The following ARHGAP26 variants were observed in gnomAD, a reference collection of about 807,000 sequenced individuals.
ARHGAP26 encodes rho GTPase-activating protein 26.
ARHGAP26 carries 38 observed loss-of-function variants against 104.8 expected under a neutral mutation model. That is an observed-to-expected ratio of 0.36 (90% CI 0.28 to 0.48). ARHGAP26 has a LOEUF of 0.48. Ranked by LOEUF, ARHGAP26 falls within the 20% of genes least tolerant of loss-of-function variation. The probability of loss-of-function intolerance (pLI) is 0.99; values close to 1 mark genes in which losing one functional copy is unlikely to be tolerated. For synonymous variants in ARHGAP26, 341 were observed against 340.0 expected (o/e 1.00, Z -0.03); for missense variants, 704 against 947.9 (o/e 0.74, Z 3.38).
At chr5:142,976,934 A>G (rs908027402) in intron 11 of ARHGAP26, among the ~76,000 whole-genome samples, 48 of 152,294 alleles carry the variant, frequency 3.2e-4, no homozygotes, top group African/African-American at 1.2e-3. Context: ...TTTGCACGCA[A>G]GAGTACACCT....
At chr5:142,941,464 C>A (rs768188033) in intron 11 of ARHGAP26, among the ~76,000 whole-genome samples, 3 of 152,310 alleles carry the variant, frequency 2.0e-5, no homozygotes, top group South Asian at 4.1e-4. Context: ...CTCCCATGCT[C>A]ACCCACCCCT....
At chr5:143,110,755 C>T (rs1289804062) in intron 17 of ARHGAP26, among the ~76,000 whole-genome samples, 6 of 152,106 alleles carry the variant, frequency 3.9e-5, no homozygotes, top group Non-Finnish European at 8.8e-5. Context: ...AAGTAATTTT[C>T]CAGGAAGAAA....
intron 1 of ARHGAP26, among the ~76,000 whole-genome samples, chr5:142,774,031 A>G (rs1034097948): frequency 2.6e-5 from 4 of 152,240 alleles, no homozygotes; most frequent in Admixed American, 6.5e-5. Flanking sequence ...TTCGATGCCA[A>G]CCTGCTTTGT....
At chr5:143,198,910 C>G (rs1807274565) in intron 20 of ARHGAP26, among the ~76,000 whole-genome samples, 1 of 152,088 alleles carries the variant, frequency 6.6e-6, no homozygotes, top group South Asian at 2.1e-4. Flanking sequence ...ATCCCATCTC[C>G]CAGGTGGTGG....
chr5:142,930,402 T>A (rs148718156), intron 10 of ARHGAP26, among the ~76,000 whole-genome samples: 213 of 152,250 alleles, frequency 1.4e-3, no homozygotes, highest in African/African-American at 4.7e-3. Context: ...TGAGAATTTC[T>A]GAGAAGAGGA....
In ARHGAP26 at chr5:142,833,178, C is replaced by T. The variant is rs187810173; in HGVS notation, c.155-40222C>T. ...AAGCAATTTTCCTGCCTCAGCCTCC[C>T]GAGTAGCTGGGACTACAGGCACCCA... On this transcript the variant is annotated intron_variant, in intron 1 of 22. Transcript: ENST00000645722. 1.1e-3 allele frequency among the ~76,000 whole-genome samples: 170 copies of T among 151,632 alleles called. 3 individuals are homozygous for T. The East Asian group carries it at 0.031, about 27-fold the overall frequency.
intron 20 of ARHGAP26, among the ~76,000 whole-genome samples, chr5:143,180,191 T>C (rs1804103756): frequency 6.6e-6 from 1 of 152,156 alleles, no homozygotes; most frequent in African/African-American, 2.4e-5. Flanking sequence ...AGTGGTGCGA[T>C]CTTGGCTCAC....
chr5:143,074,858 G>C (rs957944446), intron 17 of ARHGAP26, among the ~76,000 whole-genome samples: 1 of 152,214 alleles, frequency 6.6e-6, no homozygotes, highest in African/African-American at 2.4e-5. Flanking sequence ...CTAGACACAG[G>C]TATCCAAAGA....
chr5:143,055,021 A>G (rs1351850637), intron 15 of ARHGAP26, among the ~76,000 whole-genome samples: 1 of 152,080 alleles, frequency 6.6e-6, no homozygotes, highest in African/African-American at 2.4e-5. Flanking sequence ...TGCAGAGACT[A>G]TTTTCCTTGT....
rs1322057092 is a variant in ARHGAP26 at position 143,197,424 on chromosome 5, A to G, written c.1989-9774A>G. Among the ~76,000 whole-genome samples the G allele has an allele frequency of 2.0e-5, 3 of 152,296 alleles. No homozygotes were observed. In the East Asian group the frequency reaches 5.8e-4, roughly 29 times the overall value. On this transcript the variant is annotated intron_variant, in intron 20 of 22. Transcript: ENST00000645722. ...GCATTTTGATGTTAGCTATTTAGTC[A>G]TTCTGGTGGGTGTGCAGTAACATCT...
intron 11 of ARHGAP26, among the ~76,000 whole-genome samples, chr5:143,004,299 C>G (rs1202667495): frequency 6.6e-6 from 1 of 152,118 alleles, no homozygotes; most frequent in African/African-American, 2.4e-5. Context: ...CCTTCTCAGG[C>G]CATATTTAGT....
In ARHGAP26 at chr5:142,855,474, C is replaced by T. The variant is rs6889083; in HGVS notation, c.155-17926C>T. On this transcript the variant is annotated intron_variant, in intron 1 of 22. Transcript: ENST00000645722. Reference sequence around the variant, plus strand: ...CATTTCATCCCAGGTGCTTTGCTCCCTAGATATCCATCCACCCTTCCATCT... The same window carrying T: ...CATTTCATCCCAGGTGCTTTGCTCCTTAGATATCCATCCACCCTTCCATCT... Among the ~76,000 whole-genome samples the T allele has an allele frequency of 2.4e-3, 365 of 152,278 alleles. 3 individuals are homozygous for T. The highest frequency in any genetic ancestry group is 8.5e-3 in the African/African-American group (354 of 41,552).
chr5:142,820,398 C>A (rs146385452), intron 1 of ARHGAP26, among the ~76,000 whole-genome samples: 5 of 152,240 alleles, frequency 3.3e-5, no homozygotes, highest in African/African-American at 1.2e-4. Flanking sequence ...CCTGATCAGT[C>A]ATTTTGTGGT....
intron 5 of ARHGAP26, among the ~76,000 whole-genome samples, chr5:142,890,151 A>AATAC (rs1758397510): frequency 3.1e-5 from 1 of 32,432 alleles, no homozygotes; most frequent in Non-Finnish European, 5.5e-5. Flanking sequence ...AAAAAAAAAA[A>AATAC]ATATATATAT....
At chr5:143,100,329 C>T (rs1045823103) in intron 17 of ARHGAP26, among the ~76,000 whole-genome samples, 2 of 152,180 alleles carry the variant, frequency 1.3e-5, no homozygotes, top group Non-Finnish European at 2.9e-5. Context: ...TAAAGAACAA[C>T]CCTTGAATAA....
chr5:143,129,899 A>G (rs1797135078), intron 18 of ARHGAP26, among the ~76,000 whole-genome samples: 1 of 152,212 alleles, frequency 6.6e-6, no homozygotes, highest in Admixed American at 6.5e-5. Flanking sequence ...CAGACTCAGA[A>G]GGGTTAATTA....
intron 11 of ARHGAP26, chr5:142,946,433 A>T (rs1598345374): frequency 6.6e-6 from 1 of 152,260 alleles, no homozygotes; most frequent in East Asian, 1.9e-4. Context: ...TTATGGTTGG[A>T]TTAGCTTCAA....
At chr5:143,001,046 T>A (rs1008827599) in intron 11 of ARHGAP26, among the ~76,000 whole-genome samples, 6 of 151,840 alleles carry the variant, frequency 4.0e-5, no homozygotes, top group South Asian at 2.1e-4. Context: ...AAAAAAAAAA[T>A]TTATGCTGAG....
intron 6 of ARHGAP26, among the ~76,000 whole-genome samples, chr5:142,894,810 G>A (rs1669283617): frequency 6.6e-6 from 1 of 152,124 alleles, no homozygotes; most frequent in African/African-American, 2.4e-5. Flanking sequence ...ACCCCATTCA[G>A]GTATTAAAAG....
Sources: gnomAD v4.1 joint callset for allele counts (sites outside exome capture counted in the v4.1 genomes callset) on GRCh38, gnomAD v4.1.1 for gene constraint, MANE v1.5 for transcripts, NCBI Gene and HGNC (gene_info 2026-07-23, HGNC 2026-07-21) for gene names.